GLIS3: variants seen among roughly 807,000 people sequenced by gnomAD.
GLIS3 encodes the protein GLIS family zinc finger 3, also known as zinc finger protein GLIS3.
In GLIS3, 53 loss-of-function variants were observed where a neutral mutation model predicts 78.6. The observed-to-expected ratio is 0.67, with a 90% CI of 0.54 to 0.85. The LOEUF (loss-of-function observed/expected upper bound fraction) is 0.85, where lower values mean the gene tolerates loss of function less well. Ranked by LOEUF, GLIS3 falls within the 40% of genes least tolerant of loss-of-function variation. The pLI is 0.00. For synonymous variants in GLIS3, 684 were observed against 509.9 expected (o/e 1.34, Z -4.60); for missense variants, 1,703 against 1,231.1 (o/e 1.38, Z -5.74).
the GLIS3 span, among the ~76,000 whole-genome samples, chr9:4,412,088 T>C: frequency 1.3e-5 from 2 of 152,174 alleles, no homozygotes; most frequent in Non-Finnish European, 2.9e-5. Flanking sequence ...CTGTCCTCAG[T>C]GAGTTTCTGA....
At position 3,892,248 on chromosome 9, in the gene GLIS3, C is replaced by CA. The variant is rs796499778; in HGVS notation, c.2128+6442dup. Reference sequence around the variant, plus strand: ...GAAATAGGGAGTTCTAGAAGCAAGGCAAAAAAAAAGCAGCCTGGAAATTTA... The same window carrying CA: ...GAAATAGGGAGTTCTAGAAGCAAGGCAAAAAAAAAAGCAGCCTGGAAATTTA... On this transcript the variant is annotated intron_variant, in intron 7 of 10. Coordinates refer to ENST00000381971, the MANE Select transcript of GLIS3 (RefSeq NM_001042413.2). Among the ~76,000 whole-genome samples, 595 of 148,200 alleles carry CA rather than the reference C, an allele frequency of 4.0e-3. 1 individual carries two copies. The highest frequency in any genetic ancestry group is 0.014 in the Middle Eastern group (4 of 292).
intron 4 of GLIS3, among the ~76,000 whole-genome samples, chr9:3,961,781 A>G (rs1029659906): frequency 2.6e-5 from 4 of 152,230 alleles, no homozygotes; most frequent in Non-Finnish European, 2.9e-5. Context: ...CTGACTACCA[A>G]TCAAGCATCA....
rs768706671 is a variant in GLIS3, at chr9:3,856,177, G to T, written c.2305C>A (p.Pro769Thr). 27 of 1,613,658 alleles carry T rather than the reference G, an allele frequency of 1.7e-5. No homozygotes were observed. In the East Asian group the frequency reaches 5.4e-4, roughly 32 times the overall value. The change falls in exon 9 of 11, where the codon CCT becomes ACT. Residue 769 changes from proline to threonine, a missense_variant. Pro to Thr is a conservative substitution (Grantham distance 38, BLOSUM62 -1). Transcript: ENST00000381971. ...AVDAGAERFA[P>T]SAPSPHHISP... Reference sequence around the variant, plus strand: ...ATGTGGTGAGGAGATGGAGCAGAAGGTGCAAACCTGAGAAAACAATTATAA... The same window carrying T: ...ATGTGGTGAGGAGATGGAGCAGAAGTTGCAAACCTGAGAAAACAATTATAA...
At chr9:4,319,625 G>C (rs1287650960) in intron 2 of GLIS3, among the ~76,000 whole-genome samples, 1 of 151,950 alleles carries the variant, frequency 6.6e-6, no homozygotes, top group Admixed American at 6.6e-5. Context: ...AAACTCCTGG[G>C]CTCAAGTGAT....
chr9:4,303,784 T>C (rs960460814), upstream of GLIS3, among the ~76,000 whole-genome samples: 2 of 152,234 alleles, frequency 1.3e-5, no homozygotes, highest in Non-Finnish European at 2.9e-5. Flanking sequence ...GAAAGGTTGA[T>C]GATGTATTCC....
intron 2 of GLIS3, among the ~76,000 whole-genome samples, chr9:4,255,211 T>A (rs1298194686): frequency 1.3e-5 from 2 of 152,168 alleles, no homozygotes; most frequent in Non-Finnish European, 2.9e-5. Context: ...ACTGACAACA[T>A]CAAATGCTGA....
intron 6 of GLIS3, among the ~76,000 whole-genome samples, chr9:3,914,053 T>C (rs968085582): frequency 1.3e-5 from 2 of 152,216 alleles, no homozygotes; most frequent in Admixed American, 6.5e-5. Context: ...AGTTTAAGTA[T>C]GCCTAAATTA....
chr9:4,033,843 C>T lies in GLIS3; in HGVS notation c.1710+83925G>A, dbSNP rs995478973. ...CAACACAAGGATTTGTTTAATTGCC[C>T]CCAAAAACATAGGCGAAGGATAAAA... On this transcript the variant is annotated intron_variant, in intron 4 of 10. Coordinates refer to ENST00000381971, the MANE Select transcript of GLIS3 (RefSeq NM_001042413.2). 3.9e-5 allele frequency among the ~76,000 whole-genome samples: 5 copies of T among 129,006 alleles called. No homozygotes were observed. In the Admixed American group the frequency reaches 4.1e-4, roughly 11 times the overall value. The allele number at this position is 129,006 out of a possible 152,430, so 84.6% of individuals were successfully genotyped here.
At chr9:4,451,968 T>G in the GLIS3 span, among the ~76,000 whole-genome samples, 2 of 151,752 alleles carry the variant, frequency 1.3e-5, no homozygotes, top group Non-Finnish European at 2.9e-5. Flanking sequence ...AAAAAGCTTA[T>G]CCACCACAAT....
chr9:4,387,015 T>C, the GLIS3 span, among the ~76,000 whole-genome samples: 3 of 152,196 alleles, frequency 2.0e-5, no homozygotes, highest in African/African-American at 7.2e-5. Flanking sequence ...CCAGGGGTGG[T>C]GTCTTCACCT....
At chr9:4,335,063 T>C (rs187444628) in intron 2 of GLIS3, among the ~76,000 whole-genome samples, 2 of 151,982 alleles carry the variant, frequency 1.3e-5, no homozygotes, top group Admixed American at 6.6e-5. Flanking sequence ...CGCCCGCCAC[T>C]ATACCTGGCT....
At chr9:3,845,323 G>C (rs1322381208) in intron 9 of GLIS3, among the ~76,000 whole-genome samples, 1 of 152,054 alleles carries the variant, frequency 6.6e-6, no homozygotes. Context: ...AGAATGTGAG[G>C]TGCAGAACGT....
chr9:4,418,772 A>C, the GLIS3 span, among the ~76,000 whole-genome samples: 1 of 152,192 alleles, frequency 6.6e-6, no homozygotes, highest in African/African-American at 2.4e-5. Flanking sequence ...AATCTTCATG[A>C]AAAACAGTAG....
chr9:4,035,434 A>G (rs1031445863), intron 4 of GLIS3, among the ~76,000 whole-genome samples: 2 of 151,130 alleles, frequency 1.3e-5, no homozygotes, highest in African/African-American at 4.9e-5. Flanking sequence ...CCTCTCACCT[A>G]TCTCGTATTC....
chr9:4,486,989 C>T, the GLIS3 span, among the ~76,000 whole-genome samples: 2 of 152,298 alleles, frequency 1.3e-5, no homozygotes, highest in Admixed American at 1.3e-4. Context: ...TGAGTCGACA[C>T]TCCCGGCTCT....
rs115289975 is a variant in GLIS3 at position 4,067,858 on chromosome 9, T to C, written c.1710+49910A>G. 6.0e-3 allele frequency among the ~76,000 whole-genome samples: 906 copies of C among 151,984 alleles called. 8 individuals are homozygous for C. The highest frequency in any genetic ancestry group is 0.021 in the African/African-American group (860 of 41,476). ...AACAGATTGATCCCAGACTTCTCCA[T>C]AACAATAATAGTTAAAAATAGAAAT... is the stretch of plus-strand genomic sequence containing the variant. On this transcript the variant is annotated intron_variant, in intron 4 of 10. Transcript: ENST00000381971.
At chr9:4,378,117 A>G in the GLIS3 span, among the ~76,000 whole-genome samples, 2 of 152,176 alleles carry the variant, frequency 1.3e-5, no homozygotes, top group Non-Finnish European at 2.9e-5. Flanking sequence ...AAAGTAATAT[A>G]CAAATGCTAA....
chr9:4,068,523 T>C (rs948159791), intron 4 of GLIS3, among the ~76,000 whole-genome samples: 2 of 152,210 alleles, frequency 1.3e-5, no homozygotes, highest in Non-Finnish European at 2.9e-5. Context: ...TGAATTTATA[T>C]CCTTTATAGC....
At chr9:4,386,413 T>A in the GLIS3 span, 16 of 152,148 alleles carry the variant, frequency 1.1e-4, no homozygotes, top group Non-Finnish European at 1.9e-4. Flanking sequence ...ATGATTTTTT[T>A]AAATGAAACA....
Sources: allele counts gnomAD v4.1 joint callset (sites outside exome capture counted in the v4.1 genomes callset), GRCh38; gene constraint gnomAD v4.1.1; transcripts MANE v1.5; gene names NCBI Gene and HGNC (gene_info 2026-07-23, HGNC 2026-07-21).